CDH23: variants seen among roughly 807,000 people sequenced by gnomAD.
The protein encoded by CDH23 is cadherin-23.
A neutral mutation model predicts 317.1 loss-of-function variants in CDH23; 189 were observed. That is an observed-to-expected ratio of 0.60 (90% CI 0.53 to 0.67). CDH23 has a LOEUF of 0.67. CDH23 is among the 30% of genes least tolerant of loss of function. The pLI, the probability that CDH23 is intolerant of heterozygous loss-of-function variation, is 0.00. For missense variants in CDH23, 4,401 were observed against 4,592.4 expected (o/e 0.96, Z 1.20); for synonymous variants, 1,839 against 1,876.8 (o/e 0.98, Z 0.52).
rs747544364 is a variant in CDH23, at chr10:71,799,169, C to T, written c.7113C>T (p.Thr2371=). 7 of 1,614,054 alleles carry T rather than the reference C, an allele frequency of 4.3e-6. No homozygotes were observed. Among genetic ancestry groups the T allele is most frequent in the African/African-American group, 2.7e-5 (2 of 75,068 alleles). ...AGGAGGTGCACTGGCTCAACTTTAC[C>T]GTGAGGGCCTCAGACAACGGGTCCC... is the stretch of plus-strand genomic sequence containing the variant. ...DYEEVHWLNF[T]VRASDNGSPP... is the part of the protein sequence containing the mutation. Residue 2371 remains threonine (T), a synonymous_variant, in exon 51 of 70, where the codon ACC becomes ACT. Coordinates refer to ENST00000224721, the MANE Select transcript of CDH23 (RefSeq NM_022124.6).
At chr10:71,680,664 C>G (rs1864584056) in intron 17 of CDH23, among the ~76,000 whole-genome samples, 1 of 144,786 alleles carries the variant, frequency 6.9e-6, no homozygotes, top group Non-Finnish European at 1.5e-5. Context: ...AGGAGAATCA[C>G]TTGAACCTGG....
chr10:71,799,637 G>A lies in CDH23; in HGVS notation c.7362+8G>A. The stretch of plus-strand genomic sequence containing the variant: ...GCCATCAACCCCACCACGGTGAGCA[G>A]TGATGGAGGGCCTGGAATTTGGAAG... On this transcript the variant is annotated splice_region_variant and intron_variant, in intron 52 of 69. Coordinates refer to ENST00000224721, the MANE Select transcript of CDH23 (RefSeq NM_022124.6). 1 of 1,614,050 alleles carries A rather than the reference G, an allele frequency of 6.2e-7. No homozygotes were observed. Among genetic ancestry groups the A allele is most frequent in the Non-Finnish European group, 8.5e-7 (1 of 1,179,898 alleles).
At chr10:71,421,628 G>A (rs1848822516) in intron 1 of CDH23, among the ~76,000 whole-genome samples, 1 of 152,126 alleles carries the variant, frequency 6.6e-6, no homozygotes, top group African/African-American at 2.4e-5. Context: ...TGATTACTCT[G>A]GCCTGCAATT....
chr10:71,659,946 TTTTC>T (rs1161672469), intron 14 of CDH23, among the ~76,000 whole-genome samples: 10 of 150,212 alleles, frequency 6.7e-5, no homozygotes, highest in Admixed American at 1.3e-4. Flanking sequence ...TTTTCTTTTC[TTTTC>T]TTTCTTTCCG....
chr10:71,759,872 T>TAC (rs1171869977), intron 38 of CDH23, among the ~76,000 whole-genome samples: 1 of 34,866 alleles, frequency 2.9e-5, no homozygotes, highest in Non-Finnish European at 7.5e-5. Flanking sequence ...CACATATATA[T>TAC]ACACACACAC....
At chr10:71,559,936 G>A (rs1428407796) in intron 6 of CDH23, among the ~76,000 whole-genome samples, 2 of 152,342 alleles carry the variant, frequency 1.3e-5, no homozygotes, top group East Asian at 3.9e-4. Context: ...CCAGAATGGG[G>A]CTCCCTGAGA....
intron 38 of CDH23, among the ~76,000 whole-genome samples, chr10:71,745,129 A>C (rs1041421967): frequency 3.9e-5 from 6 of 152,264 alleles, no homozygotes; most frequent in Non-Finnish European, 8.8e-5. Flanking sequence ...ACTATGTGCC[A>C]GGCACTGGAG....
At chr10:71,765,335 C>A (rs975219563) in intron 38 of CDH23, among the ~76,000 whole-genome samples, 30 of 152,276 alleles carry the variant, frequency 2.0e-4, no homozygotes, top group Non-Finnish European at 4.4e-5. Context: ...AGGGCTGGCT[C>A]AGCAGACACG....
At chr10:71,748,137 C>T (rs1839899660) in intron 38 of CDH23, 1 of 151,218 alleles carries the variant, frequency 6.6e-6, no homozygotes, top group Admixed American at 6.6e-5. Context: ...TGAGGCAGGA[C>T]CCCAGGGGCC....
At chr10:71,789,991 C>G (rs941863113) in intron 45 of CDH23, among the ~76,000 whole-genome samples, 2 of 152,228 alleles carry the variant, frequency 1.3e-5, no homozygotes, top group African/African-American at 4.8e-5. Flanking sequence ...CAGACCCTCC[C>G]GAGGAGCGGC....
intron 1 of CDH23, among the ~76,000 whole-genome samples, chr10:71,428,676 C>T (rs1849229494): frequency 6.6e-6 from 1 of 151,972 alleles, no homozygotes; most frequent in South Asian, 2.1e-4. Flanking sequence ...GCAACCTCCA[C>T]CTCCCTGGTT....
intron 16 of CDH23, among the ~76,000 whole-genome samples, chr10:71,678,356 T>TAGCAGAGCCA (rs1864462983): frequency 6.6e-6 from 1 of 152,062 alleles, no homozygotes; most frequent in African/African-American, 2.4e-5. Context: ...CATAGTCGGG[T>TAGCAGAGCCA]AGCAGAGCCA....
At chr10:71,445,847 CAAAAAAAA>C (rs34460284) in intron 2 of CDH23, among the ~76,000 whole-genome samples, 8 of 92,038 alleles carry the variant, frequency 8.7e-5, no homozygotes, top group Non-Finnish European at 1.4e-4. Flanking sequence ...GACTCTGTCT[CAAAAAAAA>C]AAAAAAAAAA....
At chr10:71,494,421 A>T (rs79043087) in intron 3 of CDH23, among the ~76,000 whole-genome samples, 2,591 of 152,190 alleles carry the variant, frequency 0.017, 58 homozygotes, top group African/African-American at 0.054. Flanking sequence ...AACATTGTAT[A>T]TGGGGTCAGG....
chr10:71,528,053 T>A lies in CDH23; in HGVS notation c.429+16841T>A, dbSNP rs185941473. 4.1e-3 allele frequency among the ~76,000 whole-genome samples: 627 copies of A among 152,268 alleles called. 2 individuals carry two copies. Among genetic ancestry groups the A allele is most frequent in the Non-Finnish European group, 6.6e-3 (452 of 68,014 alleles). ...TGACTCTGGCTAGCTTCCCGGCTGG[T>A]CAGTGTTATAAGAAACACATGAGCC... is the stretch of plus-strand genomic sequence containing the variant. On this transcript the variant is annotated intron_variant, in intron 6 of 69. Coordinates refer to ENST00000224721, the MANE Select transcript of CDH23 (RefSeq NM_022124.6).
intron 6 of CDH23, among the ~76,000 whole-genome samples, chr10:71,545,267 G>C (rs868558544): frequency 2.0e-5 from 3 of 152,204 alleles, no homozygotes; most frequent in Non-Finnish European, 4.4e-5. Flanking sequence ...CGGCAGGGGA[G>C]GGGGAGGACA....
intron 6 of CDH23, among the ~76,000 whole-genome samples, chr10:71,514,250 C>A (rs1854152079): frequency 6.6e-6 from 1 of 152,206 alleles, no homozygotes; most frequent in Non-Finnish European, 1.5e-5. Context: ...ATATTCCCAA[C>A]CTCTGCAATT....
chr10:71,464,575 A>G (rs1851157205), intron 3 of CDH23, among the ~76,000 whole-genome samples: 1 of 145,424 alleles, frequency 6.9e-6, no homozygotes, highest in East Asian at 2.2e-4. Flanking sequence ...TCTGGAAGCA[A>G]TTCTGCTCAG....
At chr10:71,787,283 C>T (rs1415680400) in intron 44 of CDH23, among the ~76,000 whole-genome samples, 1 of 151,790 alleles carries the variant, frequency 6.6e-6, no homozygotes, top group Non-Finnish European at 1.5e-5. Flanking sequence ...GGGTCTTCAA[C>T]CCAGGTCTTT....
Sources: gnomAD v4.1 joint callset for allele counts (sites outside exome capture counted in the v4.1 genomes callset) on GRCh38, gnomAD v4.1.1 for gene constraint, MANE v1.5 for transcripts, NCBI Gene and HGNC (gene_info 2026-07-23, HGNC 2026-07-21) for gene names.